MROH9: variants seen among roughly 807,000 people sequenced by gnomAD.
MROH9 encodes the protein maestro heat like repeat family member 9.
In MROH9, 92 loss-of-function variants were observed where a neutral mutation model predicts 98.2. The observed-to-expected ratio is 0.94, with a 90% CI of 0.79 to 1.11. The LOEUF is 1.11. Ranked by LOEUF, MROH9 falls within the 50% of genes most tolerant of loss-of-function variation. MROH9 has a pLI of 0.00. For missense variants in MROH9, 1,057 were observed against 1,014.8 expected, an observed-to-expected ratio of 1.04 and a Z score of -0.57; for synonymous variants, 397 against 368.9, an observed-to-expected ratio of 1.08 and a Z score of -0.87.
In MROH9 at chr1:170,992,146, G is replaced by A. The variant is rs2101808875; in HGVS notation, c.1029-18G>A. The A allele has an allele frequency of 6.3e-7, 1 of 1,590,882 alleles. No homozygotes were observed. The highest frequency in any genetic ancestry group is 8.6e-7 in the Non-Finnish European group (1 of 1,168,516). On this transcript the variant is annotated intron_variant, in intron 11 of 21. Coordinates refer to ENST00000367759, the MANE Select transcript of MROH9 (RefSeq NM_001163629.2). ...ACAAACATGATTCTCATTGTGTGGG[G>A]TGGGGCTGTGTTTGCAGCACTCTGA...
At chr1:170,967,044 C>A (rs528415464) in intron 7 of MROH9, among the ~76,000 whole-genome samples, 3 of 152,276 alleles carry the variant, frequency 2.0e-5, no homozygotes, top group Admixed American at 1.3e-4. Context: ...TCTATCACTT[C>A]TTTCCATTAC....
intron 14 of MROH9, among the ~76,000 whole-genome samples, chr1:170,996,953 T>C (rs1035966562): frequency 6.6e-6 from 1 of 152,168 alleles, no homozygotes; most frequent in Non-Finnish European, 1.5e-5. Flanking sequence ...CCTCTGATTT[T>C]AGCTGATTCC....
intron 8 of MROH9, 38 bp from the exon 9 acceptor site, chr1:170,983,384 C>A (rs774824147): frequency 8.4e-6 from 12 of 1,420,518 alleles, no homozygotes; most frequent in South Asian, 2.4e-5. Context: ...AACAAGTGAT[C>A]AAATAACAAC....
intron 20 of MROH9, among the ~76,000 whole-genome samples, chr1:171,031,542 A>C (rs1652914371): frequency 6.6e-6 from 1 of 152,168 alleles, no homozygotes; most frequent in Non-Finnish European, 1.5e-5. Context: ...TATGAAGCTT[A>C]ATTTGGCTGG....
intron 20 of MROH9, among the ~76,000 whole-genome samples, chr1:171,043,426 G>GT (rs1653369652): frequency 2.0e-5 from 3 of 151,966 alleles, no homozygotes; most frequent in South Asian, 4.2e-4. Context: ...CTCCAGTTTT[G>GT]TTTTTTTGGT....
intron 20 of MROH9, among the ~76,000 whole-genome samples, chr1:171,034,872 T>C (rs956030439): frequency 6.6e-6 from 1 of 151,814 alleles, no homozygotes; most frequent in East Asian, 1.9e-4. Context: ...TGGAACAGAA[T>C]AGAAAGCCTA....
intron 17 of MROH9, among the ~76,000 whole-genome samples, chr1:171,020,811 A>G (rs1652493140): frequency 6.6e-6 from 1 of 152,188 alleles, no homozygotes; most frequent in Non-Finnish European, 1.5e-5. Context: ...GTAGGAAGAG[A>G]GGAAGTCAAA....
In MROH9 at chr1:170,996,624, T is replaced by A; in HGVS notation, c.1455T>A (p.His485Gln). Residue 485 changes from histidine to glutamine, a missense_variant, in exon 14 of 22, where the codon CAT (histidine) becomes CAA (glutamine). Coordinates refer to ENST00000367759, the MANE Select transcript of MROH9 (RefSeq NM_001163629.2). ...DQLSEDLCYYHGVCFIAKTLS... is the reference protein window; with the variant it reads ...DQLSEDLCYYQGVCFIAKTLS... ...TATCTGAAGATCTGTGTTACTATCATGGAGTCTGCTTTATTGCTAAGTAAG... is the reference window on the plus strand; with the variant it reads ...TATCTGAAGATCTGTGTTACTATCAAGGAGTCTGCTTTATTGCTAAGTAAG... The A allele has an allele frequency of 6.2e-7, 1 of 1,613,516 alleles. No individual in the cohort carries two copies. Among genetic ancestry groups the A allele is most frequent in the South Asian group, 1.1e-5 (1 of 91,056 alleles).
chr1:170,971,681 A>C, intron 7 of MROH9, 67 bp from the exon 8 acceptor site: 8 of 1,538,046 alleles, frequency 5.2e-6, no homozygotes, highest in Non-Finnish European at 6.3e-6. Context: ...ACAGGATCAG[A>C]TGCATGCAGA....
At chr1:171,060,360 T>C (rs1460817532) in intron 20 of MROH9, among the ~76,000 whole-genome samples, 3 of 152,226 alleles carry the variant, frequency 2.0e-5, no homozygotes, top group Non-Finnish European at 4.4e-5. Context: ...TCTCCCCAAA[T>C]TGATCTGTAT....
intron 20 of MROH9, among the ~76,000 whole-genome samples, chr1:171,058,009 CAAATA>C (rs886578292): frequency 6.6e-6 from 1 of 151,922 alleles, no homozygotes; most frequent in Admixed American, 6.5e-5. Flanking sequence ...GCAAGAGAAA[CAAATA>C]AAGCATATTC....
intron 3 of MROH9, 150 bp downstream of exon 3, chr1:170,947,723 T>C: frequency 1.5e-6 from 1 of 652,662 alleles, no homozygotes; most frequent in South Asian, 2.1e-5. Flanking sequence ...TGGTTAAAAA[T>C]TGTTTTTACC....
intron 15 of MROH9, among the ~76,000 whole-genome samples, chr1:171,010,225 G>A (rs998553209): frequency 3.9e-5 from 6 of 152,232 alleles, no homozygotes; most frequent in Admixed American, 3.9e-4. Context: ...ATAGTTTGCT[G>A]AAAATGATGG....
chr1:171,053,784 T>A (rs1653741276), intron 20 of MROH9, among the ~76,000 whole-genome samples: 1 of 152,090 alleles, frequency 6.6e-6, no homozygotes, highest in African/African-American at 2.4e-5. Flanking sequence ...ATTGGATATG[T>A]CAGAATAAAA....
chr1:171,055,055 G>A (rs1284244811), intron 20 of MROH9, among the ~76,000 whole-genome samples: 2 of 150,464 alleles, frequency 1.3e-5, no homozygotes, highest in Admixed American at 6.6e-5. Context: ...AAAGACACTT[G>A]CACACGCATG....
At chr1:171,048,804 G>A (rs1483842057) in intron 20 of MROH9, among the ~76,000 whole-genome samples, 3 of 152,206 alleles carry the variant, frequency 2.0e-5, no homozygotes, top group Non-Finnish European at 4.4e-5. Flanking sequence ...GGCCCACAAT[G>A]TAGTACCTGG....
intron 17 of MROH9, among the ~76,000 whole-genome samples, chr1:171,019,101 A>T (rs1652426343): frequency 6.6e-6 from 1 of 152,242 alleles, no homozygotes; most frequent in Non-Finnish European, 1.5e-5. Context: ...AAAGAACTGA[A>T]ATCATAATAC....
intron 15 of MROH9, among the ~76,000 whole-genome samples, chr1:171,012,690 A>G (rs1286422934): frequency 6.6e-6 from 1 of 151,798 alleles, no homozygotes; most frequent in Non-Finnish European, 1.5e-5. Context: ...TTTTTAGTAG[A>G]GACGGGGTTT....
rs546118840 is a variant in MROH9, at chr1:170,956,654, C to T, written c.73-1807C>T. On this transcript the variant is annotated intron_variant, in intron 3 of 21. Transcript: ENST00000367759. The stretch of plus-strand genomic sequence containing the variant: ...GTTGAGTTCTCGATTTGATTCTCCC[C>T]TTGGTCGCTGTTGGTATATAGAAGA... Among the ~76,000 whole-genome samples, 241 of 144,196 alleles carry T rather than the reference C, an allele frequency of 1.7e-3. 1 individual carries two copies. In the South Asian group the frequency reaches 0.023, roughly 14 times the overall value. The allele number at this position is 144,196 out of a possible 152,430, so 94.6% of individuals were successfully genotyped here. A position where few individuals can be genotyped will look rare whatever the true frequency, so the allele number is the denominator to read the frequency against.
Sources: gnomAD v4.1 joint callset for allele counts (sites outside exome capture counted in the v4.1 genomes callset) on GRCh38, gnomAD v4.1.1 for gene constraint, MANE v1.5 for transcripts, NCBI Gene and HGNC (gene_info 2026-07-23, HGNC 2026-07-21) for gene names.